FBRSL1: variants seen among roughly 807,000 people sequenced by gnomAD.
The protein encoded by FBRSL1 is fibrosin-1-like protein.
In FBRSL1, 51 loss-of-function variants were observed where a neutral mutation model predicts 89.6. That is an observed-to-expected ratio of 0.57 (90% confidence interval 0.45 to 0.72). FBRSL1 has a LOEUF of 0.72. Ranked by LOEUF, FBRSL1 falls within the 30% of genes least tolerant of loss-of-function variation. The probability of loss-of-function intolerance (pLI) is 0.00; values close to 1 mark genes in which losing one functional copy is unlikely to be tolerated. For synonymous variants in FBRSL1, 779 were observed against 681.1 expected (o/e 1.14, Z -2.24); for missense variants, 1,618 against 1,451.8 (o/e 1.11, Z -1.86).
At chr12:132,565,773 C>T (rs2039569804) in intron 5 of FBRSL1, 1 of 152,250 alleles carries the variant, frequency 6.6e-6, no homozygotes, top group Non-Finnish European at 1.5e-5. Flanking sequence ...AGGGTACACA[C>T]TGCAGTGTGG....
chr12:132,495,240 G>C (rs1939696216), intron 1 of FBRSL1, among the ~76,000 whole-genome samples: 1 of 152,270 alleles, frequency 6.6e-6, no homozygotes, highest in African/African-American at 2.4e-5. Context: ...AGAGGGGCCA[G>C]GGTTCCAGGA....
chr12:132,506,048 A>T (rs2033646638), intron 1 of FBRSL1, among the ~76,000 whole-genome samples: 1 of 152,102 alleles, frequency 6.6e-6, no homozygotes, highest in African/African-American at 2.4e-5. Flanking sequence ...CGGTGTGGGC[A>T]CCCACCCCAT....
chr12:132,581,237 G>C (rs1389864496), intron 15 of FBRSL1: 1 of 982,440 alleles, frequency 1.0e-6, no homozygotes, highest in East Asian at 1.1e-4. Context: ...TGCCACTGCG[G>C]CTCCAAGTCA....
chr12:132,502,469 G>A (rs1438590257), intron 1 of FBRSL1, among the ~76,000 whole-genome samples: 2 of 152,192 alleles, frequency 1.3e-5, no homozygotes, highest in Non-Finnish European at 2.9e-5. Flanking sequence ...ATCGGAGCTG[G>A]AGGGAGGAAC....
intron 4 of FBRSL1, among the ~76,000 whole-genome samples, chr12:132,529,732 A>ACTACCCTGGGCTCTTCTCTG (rs1566149699): frequency 2.1e-5 from 3 of 142,148 alleles, no homozygotes; most frequent in Non-Finnish European, 4.6e-5. Context: ...CCTGGGCTCT[A>ACTACCCTGGGCTCTTCTCTG]CCACCCTGGG....
intron 2 of FBRSL1, among the ~76,000 whole-genome samples, chr12:132,508,834 C>T (rs938314710): frequency 6.6e-6 from 1 of 152,224 alleles, no homozygotes; most frequent in African/African-American, 2.4e-5. Flanking sequence ...GGTCAGTGGT[C>T]AGGTGCGTGG....
intron 4 of FBRSL1, among the ~76,000 whole-genome samples, chr12:132,532,395 G>A (rs568303148): frequency 2.5e-3 from 387 of 152,120 alleles, no homozygotes; most frequent in Non-Finnish European, 3.4e-3. Flanking sequence ...TCCTCCATGC[G>A]GCTGCCCAGC....
chr12:132,541,705 G>A, intron 4 of FBRSL1, among the ~76,000 whole-genome samples: 1 of 152,254 alleles, frequency 6.6e-6, no homozygotes, highest in Non-Finnish European at 1.5e-5. Flanking sequence ...GGGGCTGCCG[G>A]TGCCACGCCA....
At chr12:132,536,137 A>C (rs546295350) in intron 4 of FBRSL1, among the ~76,000 whole-genome samples, 1 of 137,460 alleles carries the variant, frequency 7.3e-6, no homozygotes, top group African/African-American at 2.8e-5. Flanking sequence ...TGTGTACATG[A>C]TGGTGTGTGA....
chr12:132,576,412 C>T (rs1172064207), intron 14 of FBRSL1, among the ~76,000 whole-genome samples: 14 of 152,106 alleles, frequency 9.2e-5, no homozygotes, highest in Non-Finnish European at 1.9e-4. Flanking sequence ...AGGCTGGTCT[C>T]GAACTCCTGA....
chr12:132,539,693 C>T (rs2037074144), intron 4 of FBRSL1, among the ~76,000 whole-genome samples: 2 of 119,422 alleles, frequency 1.7e-5, no homozygotes, highest in Admixed American at 8.3e-5. Context: ...GTCCTGCCTT[C>T]CAGCCCCATG....
chr12:132,576,338 G>A (rs113422322), intron 14 of FBRSL1, among the ~76,000 whole-genome samples: 2,048 of 151,680 alleles, frequency 0.014, 34 homozygotes, highest in African/African-American at 0.046. Flanking sequence ...GATTACAGGC[G>A]CCCGCCACTG....
chr12:132,530,546 C>A lies in FBRSL1; in HGVS notation c.615+2558C>A, dbSNP rs569916704. Reference sequence around the variant, plus strand: ...TCTGAGGTCCCCAGGGCACCTGGGTCTCTCTGCCCTGAGCCACTGGGTGCC... The same window carrying A: ...TCTGAGGTCCCCAGGGCACCTGGGTATCTCTGCCCTGAGCCACTGGGTGCC... On this transcript the variant is annotated intron_variant, in intron 4 of 18. Transcript: ENST00000680143. 1.4e-3 allele frequency among the ~76,000 whole-genome samples: 213 copies of A among 152,150 alleles called. 2 individuals carry two copies. Among genetic ancestry groups the A allele is most frequent in the African/African-American group, 4.8e-3 (200 of 41,532 alleles).
intron 14 of FBRSL1, among the ~76,000 whole-genome samples, chr12:132,574,861 A>G (rs1053497985): frequency 3.9e-5 from 6 of 152,028 alleles, no homozygotes; most frequent in African/African-American, 1.4e-4. Context: ...TCCCCACGTC[A>G]CTGGGGTGCC....
chr12:132,526,181 C>T (rs1229375726), intron 3 of FBRSL1, among the ~76,000 whole-genome samples: 22 of 152,258 alleles, frequency 1.4e-4, no homozygotes, highest in Admixed American at 1.2e-3. Context: ...GACGCTGTGC[C>T]TGCACTGCTG....
chr12:132,561,372 C>G (rs1445495062), intron 5 of FBRSL1, among the ~76,000 whole-genome samples: 2 of 152,124 alleles, frequency 1.3e-5, no homozygotes, highest in Non-Finnish European at 2.9e-5. Context: ...CCCTGGGGAG[C>G]TTGTGTTCGA....
chr12:132,500,101 C>T (rs762891930), intron 1 of FBRSL1, among the ~76,000 whole-genome samples: 4 of 152,170 alleles, frequency 2.6e-5, no homozygotes, highest in East Asian at 1.9e-4. Context: ...GCTCAGGAGG[C>T]GCCGGCACTG....
chr12:132,505,679 G>A (rs908788583), intron 1 of FBRSL1, among the ~76,000 whole-genome samples: 2 of 152,206 alleles, frequency 1.3e-5, no homozygotes, highest in South Asian at 2.1e-4. Flanking sequence ...CCCTGCCTGG[G>A]CCTCCTTGGT....
In FBRSL1 at chr12:132,582,973, A is replaced by T; in HGVS notation, c.2204A>T (p.Asp735Val). Residue 735 changes from aspartate to valine, a missense_variant and splice_region_variant, in exon 19 of 19, where the codon GAC becomes GTC. Transcript: ENST00000680143. Reference protein sequence around the residue: ...PDNGKEEQERDLLEKTRLLSR... With the variant: ...PDNGKEEQERVLLEKTRLLSR... ...CGGGTCCGCCCTGCCGCCCCCAGGGACCTCCTGGAGAAGACGCGCCTGCTG... is the reference window on the plus strand; with the variant it reads ...CGGGTCCGCCCTGCCGCCCCCAGGGTCCTCCTGGAGAAGACGCGCCTGCTG... The T allele has an allele frequency of 2.1e-6, 3 of 1,419,212 alleles. No homozygotes were observed. The South Asian group carries it at 4.3e-5, about 20-fold the overall frequency. 87.9% of individuals were successfully genotyped at this position (1,419,212 alleles called of 1,614,324 possible).
Sources: gnomAD v4.1 joint callset for allele counts (sites outside exome capture counted in the v4.1 genomes callset) on GRCh38, gnomAD v4.1.1 for gene constraint, MANE v1.5 for transcripts, NCBI Gene and HGNC (gene_info 2026-07-23, HGNC 2026-07-21) for gene names.